The following DDX50 variants were observed in gnomAD, a reference collection of about 807,000 sequenced individuals.
DDX50 encodes ATP-dependent RNA helicase DDX50.
Under a neutral mutation model 94.8 loss-of-function variants are expected in DDX50, and 56 were observed. That is an observed-to-expected ratio of 0.59 (90% CI 0.48 to 0.74). The LOEUF (loss-of-function observed/expected upper bound fraction) is 0.74. Among genes scored for constraint, DDX50 ranks in the 30% least tolerant of loss-of-function variants. DDX50 has a pLI of 0.00. For synonymous variants in DDX50, 264 were observed against 295.4 expected (o/e 0.89, Z 1.09); for missense variants, 713 against 881.2 (o/e 0.81, Z 2.42).
Position 68,934,967 on chromosome 10 carries a change from A to G in DDX50, c.1521+49A>G, listed in dbSNP as rs1488454926. 1 of 1,570,188 alleles carries G rather than the reference A, an allele frequency of 6.4e-7. No homozygotes were observed. Among genetic ancestry groups the G allele is most frequent in the Non-Finnish European group, 8.6e-7 (1 of 1,159,790 alleles). The stretch of plus-strand genomic sequence containing the variant: ...GGCTTATTGTCTAAATGGTGCCTTA[A>G]AAGAGAGCTCTTCTTATATTTATTC... On this transcript the variant is annotated intron_variant, in intron 10 of 14. Transcript: ENST00000373585. This position sits in a 1 kb window ranked among gnomAD's most constrained non-coding sequence, Gnocchi z 4.0.
intron 8 of DDX50, among the ~76,000 whole-genome samples, chr10:68,929,292 C>CCT (rs1167345123): frequency 2.7e-4 from 33 of 122,618 alleles, no homozygotes; most frequent in South Asian, 2.6e-3. Context: ...TTCCTTCCTT[C>CCT]CTCTCTCTCT....
chr10:68,912,935 TA>T (rs1219689367), intron 4 of DDX50, among the ~76,000 whole-genome samples: 1 of 152,156 alleles, frequency 6.6e-6, no homozygotes, highest in Non-Finnish European at 1.5e-5. Context: ...GGCAGGGGGA[TA>T]TGAAAATGGG....
At position 68,911,087 on chromosome 10, in the gene DDX50, C is replaced by T. The variant is rs767716855; in HGVS notation, c.480C>T (p.Leu160=). Residue 160 remains leucine, a synonymous_variant, in exon 4 of 15, where the codon CTC becomes CTT. Transcript: ENST00000373585. ...TTACAGGTCGAGGGGTAACATATCTCTTTCCTATTCAAGTTAAGACCTTTG... is the reference window on the plus strand; with the variant it reads ...TTACAGGTCGAGGGGTAACATATCTTTTTCCTATTCAAGTTAAGACCTTTG... The part of the protein sequence containing the change: ...KLLKGRGVTY[L]FPIQVKTFGP... 1 of 1,557,320 alleles carries T rather than the reference C, an allele frequency of 6.4e-7. No individual in the cohort carries two copies. Among genetic ancestry groups the T allele is most frequent in the East Asian group, 2.3e-5 (1 of 43,890 alleles).
At chr10:68,904,507 A>C (rs187921888) in intron 1 of DDX50, among the ~76,000 whole-genome samples, 49 of 152,360 alleles carry the variant, frequency 3.2e-4, no homozygotes, top group African/African-American at 1.2e-3. Context: ...AGGAGCATCC[A>C]CTGGAGGAGG....
At chr10:68,918,268 T>G (rs1019152658) in intron 7 of DDX50, among the ~76,000 whole-genome samples, 2 of 152,018 alleles carry the variant, frequency 1.3e-5, no homozygotes, top group African/African-American at 4.8e-5. Context: ...GTTTTTTAAA[T>G]TGAGGTAAAA....
chr10:68,908,463 A>G (rs1047276469), intron 2 of DDX50, among the ~76,000 whole-genome samples: 21 of 151,088 alleles, frequency 1.4e-4, no homozygotes, highest in African/African-American at 4.8e-4. Flanking sequence ...AAAAAAAAAA[A>G]AAAAAAAAAA....
At chr10:68,926,014 C>A (rs1214530911) in intron 8 of DDX50, among the ~76,000 whole-genome samples, 19 of 118,192 alleles carry the variant, frequency 1.6e-4, no homozygotes, top group South Asian at 1.2e-3. Context: ...ACTCTGTCTC[C>A]AAAAAAAAAA....
At chr10:68,946,021 TGTTA>T (rs1842662614) in intron 14 of DDX50, among the ~76,000 whole-genome samples, 1 of 148,124 alleles carries the variant, frequency 6.8e-6, no homozygotes, top group Non-Finnish European at 1.5e-5. Context: ...ATATTTAGAA[TGTTA>T]GTATTAGAAT....
rs140079747 is a variant in DDX50 at position 68,923,591 on chromosome 10, G to A, written c.1239+3610G>A. ...ACAGTTTCACTCTATCAGCCAGGCT[G>A]GAGTGCAGTGGCAAGATCCCGGCTC... On this transcript the variant is annotated intron_variant, in intron 8 of 14. Coordinates refer to ENST00000373585, the MANE Select transcript of DDX50 (RefSeq NM_024045.2). Among the ~76,000 whole-genome samples, 352 of 151,762 alleles carry A rather than the reference G, an allele frequency of 2.3e-3. 1 individual carries two copies. Among genetic ancestry groups the A allele is most frequent in the African/African-American group, 8.0e-3 (333 of 41,388 alleles).
chr10:68,934,398 A>G lies in DDX50; in HGVS notation c.1401+38A>G. ...ATTTGATTTGGGAAAAATAAGAGCA[A>G]TTTTATAAATTCCCATTTAATTTAC... On this transcript the variant is annotated intron_variant, in intron 9 of 14. Coordinates refer to ENST00000373585, the MANE Select transcript of DDX50 (RefSeq NM_024045.2). This position sits in a 1 kb window ranked among gnomAD's most constrained non-coding sequence, Gnocchi z 4.0. The G allele has an allele frequency of 1.2e-6, 2 of 1,607,534 alleles. No homozygotes were observed. The highest frequency in any genetic ancestry group is 1.7e-6 in the Non-Finnish European group (2 of 1,178,300).
At chr10:68,907,053 A>G in intron 2 of DDX50, 46 bp downstream of exon 2, 2 of 1,537,292 alleles carry the variant, frequency 1.3e-6, no homozygotes, top group Non-Finnish European at 1.7e-6. Context: ...GTTGAACTAT[A>G]GGTTGATTTG....
At chr10:68,920,402 A>G (rs988479606) in intron 8 of DDX50, among the ~76,000 whole-genome samples, 1 of 151,936 alleles carries the variant, frequency 6.6e-6, no homozygotes, top group African/African-American at 2.4e-5. Flanking sequence ...GGCTCAAGCA[A>G]TTCCGCCCTC....
At chr10:68,945,640 A>G (rs771815450) in intron 14 of DDX50, among the ~76,000 whole-genome samples, 2 of 152,200 alleles carry the variant, frequency 1.3e-5, no homozygotes, top group East Asian at 1.9e-4. Context: ...CATGATCACA[A>G]TAAGGAACAG....
At chr10:68,933,258 C>T (rs1051905034) in intron 8 of DDX50, among the ~76,000 whole-genome samples, 5 of 151,918 alleles carry the variant, frequency 3.3e-5, no homozygotes, top group South Asian at 2.1e-4. Flanking sequence ...TTAGTAGAGA[C>T]AGAGTTTCAC....
chr10:68,910,886 T>C (rs1294670025), intron 3 of DDX50, among the ~76,000 whole-genome samples, 182 bp from the exon 4 acceptor site: 1 of 152,230 alleles, frequency 6.6e-6, no homozygotes, highest in Admixed American at 6.5e-5. Flanking sequence ...AAGATTTATA[T>C]GCATTCGTCA....
chr10:68,902,737 TC>T (rs1343212100), intron 1 of DDX50, among the ~76,000 whole-genome samples: 2 of 152,218 alleles, frequency 1.3e-5, no homozygotes, highest in East Asian at 3.8e-4. Flanking sequence ...AAAAAAGGCT[TC>T]TTTTGAAATT....
intron 13 of DDX50, among the ~76,000 whole-genome samples, chr10:68,942,257 T>C (rs1277926562): frequency 8.4e-6 from 1 of 119,000 alleles, no homozygotes; most frequent in Non-Finnish European, 2.0e-5. Context: ...AAATTAAAAC[T>C]GTAATCTTGT....
rs1271475715 is a variant in DDX50 at position 68,913,245 on chromosome 10, G to A, written c.723G>A (p.Ala241=). 27 of 1,613,160 alleles carry A rather than the reference G, an allele frequency of 1.7e-5. No homozygotes were observed. Among genetic ancestry groups the A allele is most frequent in the Middle Eastern group, 1.6e-4 (1 of 6,076 alleles). Residue 241 remains alanine, a synonymous_variant, in exon 5 of 15, where the codon GCG becomes GCA. Coordinates refer to ENST00000373585, the MANE Select transcript of DDX50 (RefSeq NM_024045.2). ...FKDITRKLSV[A]CFYGGTSYQS... ...ATATAACTAGGAAACTCAGCGTGGC[G>A]TGTTTTTATGGTGGAACATCATATC...
In DDX50 at chr10:68,918,050, G is replaced by C. The variant is rs150457540; in HGVS notation, c.1090-1782G>C. On this transcript the variant is annotated intron_variant, in intron 7 of 14. Coordinates refer to ENST00000373585, the MANE Select transcript of DDX50 (RefSeq NM_024045.2). ...AGCGATTCTCCTGCCTCAGCCTCCT[G>C]AGTAGCTGGGATTACAGGCGTCTGC... Among the ~76,000 whole-genome samples the C allele has an allele frequency of 5.2e-3, 793 of 152,038 alleles. 8 individuals are homozygous for C. The highest frequency in any genetic ancestry group is 0.018 in the African/African-American group (748 of 41,454).
Sources: allele counts gnomAD v4.1 joint callset (sites outside exome capture counted in the v4.1 genomes callset), GRCh38; gene constraint gnomAD v4.1.1; non-coding constraint Gnocchi (gnomAD v3.1); transcripts MANE v1.5; gene names NCBI Gene and HGNC (gene_info 2026-07-23, HGNC 2026-07-21).